Variants in MAGI1 observed in about 807,000 individuals in gnomAD.
The protein encoded by MAGI1 is membrane associated guanylate kinase, WW and PDZ domain containing 1.
A neutral mutation model predicts 139.9 loss-of-function variants in MAGI1; 58 were observed. The observed-to-expected ratio is 0.41, with a 90% CI of 0.34 to 0.52. MAGI1 has a LOEUF of 0.52. Ranked by LOEUF, MAGI1 falls within the 20% of genes least tolerant of loss-of-function variation. The pLI is 0.12. For synonymous variants in MAGI1, 812 were observed against 737.9 expected (o/e 1.10, Z -1.63); for missense variants, 1,874 against 1,901.6 (o/e 0.99, Z 0.27).
intron 5 of MAGI1, among the ~76,000 whole-genome samples, chr3:65,468,947 C>CAACAAATA (rs1950363762): frequency 7.4e-6 from 1 of 134,714 alleles, no homozygotes. Context: ...GGAAGGGAAA[C>CAACAAATA]AATAAATAAA....
intron 5 of MAGI1, among the ~76,000 whole-genome samples, chr3:65,463,598 G>GTGTGTGA (rs1949967718): frequency 6.8e-6 from 1 of 147,750 alleles, no homozygotes; most frequent in Non-Finnish European, 1.5e-5. Context: ...GTGTGTGTGT[G>GTGTGTGA]TGTGTCTGCC....
chr3:65,567,395 G>A (rs2108049121), intron 2 of MAGI1, among the ~76,000 whole-genome samples: 1 of 152,110 alleles, frequency 6.6e-6, no homozygotes, highest in Middle Eastern at 3.4e-3. Context: ...ACACAGGCAA[G>A]GCTGATGGAT....
At chr3:65,974,399 G>A (rs112988316) in intron 1 of MAGI1, among the ~76,000 whole-genome samples, 71 of 5,198 alleles carry the variant, frequency 0.014, no homozygotes, top group Admixed American at 0.093. Flanking sequence ...GGGTGGATGG[G>A]TGGATGGGTG....
At chr3:65,672,496 TA>T (rs1383955862) in intron 1 of MAGI1, among the ~76,000 whole-genome samples, 1 of 152,128 alleles carries the variant, frequency 6.6e-6, no homozygotes, top group Non-Finnish European at 1.5e-5. Context: ...TACCCATGTG[TA>T]AAAATAGGAT....
At chr3:65,437,308 G>T in intron 9 of MAGI1, 61 bp from the exon 10 acceptor site, 1 of 1,046,616 alleles carries the variant, frequency 9.6e-7, no homozygotes, top group Non-Finnish European at 1.5e-6. Context: ...AGTTACTTAT[G>T]ATTCACCTTA....
At chr3:65,759,078 AAAAAAAAAAAAAAAAAAT>A (rs1169918544) in intron 1 of MAGI1, among the ~76,000 whole-genome samples, 1 of 146,222 alleles carries the variant, frequency 6.8e-6, no homozygotes, top group African/African-American at 2.7e-5. Flanking sequence ...AAAAAAAAAA[AAAAAAAAAAAAAAAAAAT>A]GGAAAGTGAA....
intron 1 of MAGI1, among the ~76,000 whole-genome samples, chr3:65,984,106 C>A (rs1040033456): frequency 6.6e-6 from 1 of 152,080 alleles, no homozygotes; most frequent in African/African-American, 2.4e-5. Context: ...CCAGCTTGGC[C>A]AAGATGGTGA....
chr3:65,792,663 G>C (rs540640857), intron 1 of MAGI1, among the ~76,000 whole-genome samples: 1 of 152,208 alleles, frequency 6.6e-6, no homozygotes, highest in African/African-American at 2.4e-5. Flanking sequence ...GTGGCTAACA[G>C]GGAAGTGGCG....
chr3:65,647,699 C>A (rs891667999), intron 1 of MAGI1, among the ~76,000 whole-genome samples: 1 of 152,108 alleles, frequency 6.6e-6, no homozygotes, highest in African/African-American at 2.4e-5. Context: ...TAAGATTCAA[C>A]ATTCTTTTAT....
At chr3:65,537,633 C>T (rs923257026) in intron 2 of MAGI1, among the ~76,000 whole-genome samples, 1 of 152,004 alleles carries the variant, frequency 6.6e-6, no homozygotes, top group African/African-American at 2.4e-5. Flanking sequence ...GCAATAAAAA[C>T]AATAATCAGG....
chr3:65,761,296 A>G (rs1002309381), intron 1 of MAGI1, among the ~76,000 whole-genome samples: 13 of 152,202 alleles, frequency 8.5e-5, no homozygotes, highest in Non-Finnish European at 8.8e-5. Flanking sequence ...ACAGGGTAAT[A>G]ATTATCAGAT....
intron 1 of MAGI1, among the ~76,000 whole-genome samples, chr3:65,632,024 C>CAAA (rs397962718): frequency 2.4e-5 from 3 of 126,386 alleles, no homozygotes; most frequent in African/African-American, 2.8e-5. Flanking sequence ...GACTCCGTCT[C>CAAA]AAAAAAAAAA....
intron 13 of MAGI1, among the ~76,000 whole-genome samples, chr3:65,396,108 G>C (rs1003586776): frequency 6.6e-6 from 1 of 152,170 alleles, no homozygotes; most frequent in Non-Finnish European, 1.5e-5. Flanking sequence ...GGGGACAGGA[G>C]AGAAGGGAGG....
At chr3:65,365,185 AAC>A (rs961365417) in intron 18 of MAGI1, 1 of 700,412 alleles carries the variant, frequency 1.4e-6, no homozygotes, top group Non-Finnish European at 2.7e-6. Context: ...CCACAAATAA[AAC>A]AGAGTTTGCC....
At chr3:65,797,411 T>C (rs1398405064) in intron 1 of MAGI1, among the ~76,000 whole-genome samples, 2 of 152,160 alleles carry the variant, frequency 1.3e-5, no homozygotes, top group South Asian at 2.1e-4. Context: ...ATTAAATAGA[T>C]TTAAAATGAG....
At chr3:65,862,314 T>C (rs1333122836) in intron 1 of MAGI1, among the ~76,000 whole-genome samples, 1 of 152,186 alleles carries the variant, frequency 6.6e-6, no homozygotes, top group African/African-American at 2.4e-5. Context: ...GGTTGATGTG[T>C]ATTAAGTATT....
At chr3:65,390,669 T>C (rs1375364089) in intron 14 of MAGI1, among the ~76,000 whole-genome samples, 2 of 152,162 alleles carry the variant, frequency 1.3e-5, no homozygotes, top group African/African-American at 2.4e-5. Context: ...TCATGGGGAA[T>C]GTTTAGAGAG....
At chr3:65,510,075 A>G (rs1023019798) in intron 2 of MAGI1, among the ~76,000 whole-genome samples, 1 of 152,116 alleles carries the variant, frequency 6.6e-6, no homozygotes, top group African/African-American at 2.4e-5. Flanking sequence ...GTATTCCAAC[A>G]GACCTGCAGC....
At chr3:65,898,339 T>C (rs2061071234) in intron 1 of MAGI1, among the ~76,000 whole-genome samples, 1 of 152,162 alleles carries the variant, frequency 6.6e-6, no homozygotes, top group African/African-American at 2.4e-5. Context: ...TAAAGCACTA[T>C]TTTACAAAAC....
Sources: allele counts gnomAD v4.1 joint callset (sites outside exome capture counted in the v4.1 genomes callset), GRCh38; gene constraint gnomAD v4.1.1; transcripts MANE v1.5; gene names NCBI Gene and HGNC (gene_info 2026-07-23, HGNC 2026-07-21).